Variants in HEATR1 observed in about 807,000 individuals in gnomAD.
The protein encoded by HEATR1 is HEAT repeat-containing protein 1.
A neutral mutation model predicts 248.2 loss-of-function variants in HEATR1; 77 were observed. The ratio of observed to expected loss-of-function variants is 0.31; its 90% confidence interval spans 0.26 to 0.37. The LOEUF is 0.37. HEATR1 is among the 10% of genes least tolerant of loss of function. HEATR1 has a pLI of 1.00. For synonymous variants in HEATR1, 897 were observed against 923.1 expected (o/e 0.97, Z 0.51); for missense variants, 2,420 against 2,504.9 (o/e 0.97, Z 0.72).
Position 236,569,055 on chromosome 1 carries a change from T to C in HEATR1, c.4018A>G (p.Thr1340Ala), listed in dbSNP as rs1361245989. The C allele has an allele frequency of 1.2e-6, 2 of 1,610,584 alleles. No individual in the cohort carries two copies. The highest frequency in any genetic ancestry group is 1.7e-5 in the Admixed American group (1 of 59,484). ...MGANVMRLDD[T>A]YSFQVINKTV... The stretch of plus-strand genomic sequence containing the variant: ...TTGTTAATAACTTGAAAACTGTAAG[T>C]ATCATCTAGGCGCATGACATTGGCT... The change falls in exon 29 of 45, where the codon ACT (threonine) becomes GCT (alanine). Residue 1340 changes from threonine to alanine, a missense_variant. Thr to Ala is a moderately conservative substitution (Grantham distance 58, BLOSUM62 0). Transcript: ENST00000366582.
At chr1:236,591,340 G>A (rs1454165345) in intron 11 of HEATR1, among the ~76,000 whole-genome samples, 1 of 152,036 alleles carries the variant, frequency 6.6e-6, no homozygotes, top group East Asian at 1.9e-4. Context: ...ACTCAAATTC[G>A]TGACAACTTA....
In HEATR1 at chr1:236,558,153, A is replaced by G. The variant is rs532646847; in HGVS notation, c.5204+84T>C. 9.7e-3 allele frequency: 3,221 copies of G among 330,752 alleles called. 2 individuals are homozygous for G. Among genetic ancestry groups the G allele is most frequent in the Non-Finnish European group, 0.013 (2,804 of 221,808 alleles). 20.5% of individuals were successfully genotyped at this position (330,752 alleles called of 1,614,324 possible). ...ATTTTATGCAACGTCTACTCAGAGG[A>G]AAAAAAAAAAAAGTCACCAAAGTGT... On this transcript the variant is annotated intron_variant, in intron 36 of 44. Transcript: ENST00000366582.
chr1:236,551,087 A>C lies in HEATR1; in HGVS notation c.6347-97T>G. The stretch of plus-strand genomic sequence containing the variant: ...TTCTTAATGCCTTGCACTTTCCGGC[A>C]ATCATTCAATCAAAAGAGTGAAATG... On this transcript the variant is annotated intron_variant, in intron 44 of 44. Coordinates refer to ENST00000366582, the MANE Select transcript of HEATR1 (RefSeq NM_018072.6). The C allele has an allele frequency of 3.4e-6, 3 of 886,616 alleles. No homozygotes were observed. The South Asian group carries it at 5.4e-5, about 16-fold the overall frequency. The allele number at this position is 886,616 out of a possible 1,614,324, so 54.9% of individuals were successfully genotyped here. A position where few individuals can be genotyped will look rare whatever the true frequency, so the allele number is the denominator to read the frequency against.
At chr1:236,571,788 T>C (rs942566267) in intron 26 of HEATR1, 102 bp from the exon 27 acceptor site, 1 of 774,500 alleles carries the variant, frequency 1.3e-6, no homozygotes, top group Non-Finnish European at 2.2e-6. Flanking sequence ...AAGGAACTCA[T>C]TCAATAAGGA....
intron 3 of HEATR1, 175 bp downstream of exon 3, chr1:236,602,985 T>C (rs1010978700): frequency 1.0e-5 from 6 of 591,426 alleles, no homozygotes; most frequent in Non-Finnish European, 1.8e-5. Flanking sequence ...CTTTTCACTA[T>C]CAACAAAAAA....
At position 236,590,301 on chromosome 1, in the gene HEATR1, C is replaced by T. The variant is rs569532840; in HGVS notation, c.1530+546G>A. Among the ~76,000 whole-genome samples, 10 of 152,090 alleles carry T rather than the reference C, an allele frequency of 6.6e-5. 1 individual carries two copies. In the East Asian group the frequency reaches 1.2e-3, roughly 18 times the overall value. On this transcript the variant is annotated intron_variant, in intron 12 of 44. Transcript: ENST00000366582. ...GGAGAGCAGTGGCGTGATCATGGCTCGCTGCAGCCTCAACCTCTCACACCC... is the reference window on the plus strand; with the variant it reads ...GGAGAGCAGTGGCGTGATCATGGCTTGCTGCAGCCTCAACCTCTCACACCC...
Position 236,583,003 on chromosome 1 carries a change from T to C in HEATR1, c.2425+10A>G. ...TATCACATTTAAAAGATTCACAGCT[T>C]GTATCTTACCTTTAGGAAAAGATTT... On this transcript the variant is annotated intron_variant, in intron 18 of 44. Coordinates refer to ENST00000366582, the MANE Select transcript of HEATR1 (RefSeq NM_018072.6). 1 of 1,612,962 alleles carries C rather than the reference T, an allele frequency of 6.2e-7. No homozygotes were observed. The highest frequency in any genetic ancestry group is 8.5e-7 in the Non-Finnish European group (1 of 1,179,276).
chr1:236,602,874 A>T, intron 3 of HEATR1: 1 of 266,954 alleles, frequency 3.7e-6, no homozygotes, highest in Non-Finnish European at 7.2e-6. Flanking sequence ...CAGTGAGCCA[A>T]GATTTCAATA....
chr1:236,585,871 C>T lies in HEATR1; in HGVS notation c.1998G>A (p.Glu666=), dbSNP rs762240434. Residue 666 remains glutamate (E), a synonymous_variant, in exon 16 of 45, where the codon GAG becomes GAA. Transcript: ENST00000366582. ...CTAAATTTATATTATCAGCCAACAA[C>T]TCAATCATCTTCTGATTTGCTACAC... ...LIGVANQKMI[E]LLADNINLGD... is the part of the protein sequence containing the mutation. The T allele has an allele frequency of 1.2e-6, 2 of 1,612,562 alleles. No individual in the cohort carries two copies. The highest frequency in any genetic ancestry group is 1.1e-5 in the South Asian group (1 of 91,016).
At chr1:236,552,164 T>A in intron 43 of HEATR1, 57 bp from the exon 44 acceptor site, 1 of 1,163,314 alleles carries the variant, frequency 8.6e-7, no homozygotes, top group Non-Finnish European at 1.3e-6. Flanking sequence ...TTTATTATCT[T>A]AAGAGCTGTA....
At chr1:236,569,619 T>TA (rs1663368323) in intron 28 of HEATR1, among the ~76,000 whole-genome samples, 2 of 152,050 alleles carry the variant, frequency 1.3e-5, no homozygotes, top group Admixed American at 1.3e-4. Context: ...AGAATGGCGA[T>TA]AAAAAAGACA....
At chr1:236,600,394 G>C (rs1664289783) in intron 3 of HEATR1, among the ~76,000 whole-genome samples, 2 of 151,698 alleles carry the variant, frequency 1.3e-5, no homozygotes, top group Admixed American at 6.6e-5. Context: ...GCCTCCCAAA[G>C]TGCTAGGACT....
chr1:236,590,563 A>G (rs1231946534), intron 12 of HEATR1, among the ~76,000 whole-genome samples: 1 of 152,212 alleles, frequency 6.6e-6, no homozygotes, highest in East Asian at 1.9e-4. Context: ...ATTCTCAGAT[A>G]ATTAATGAAC....
rs774685885 is a variant in HEATR1, at chr1:236,585,170, T to C, written c.2096A>G (p.Lys699Arg). 26 of 1,614,038 alleles carry C rather than the reference T, an allele frequency of 1.6e-5. No individual in the cohort carries two copies. The highest frequency in any genetic ancestry group is 1.7e-4 in the Middle Eastern group (1 of 6,058). ...GATCACATGAAACGTTACTTTCTGCTTCAGGTTAAAGGACTCCTCCTCACC... is the reference window on the plus strand; with the variant it reads ...GATCACATGAAACGTTACTTTCTGCCTCAGGTTAAAGGACTCCTCCTCACC... ...SVGEEESFNL[K>R]QKVTFHVILS... is the part of the protein sequence containing the mutation. The change falls in exon 17 of 45, where the codon AAG becomes AGG. Residue 699 changes from lysine (K) to arginine (R), a missense_variant. By Grantham distance (26) the Lys-to-Arg change is conservative (BLOSUM62 2). Coordinates refer to ENST00000366582, the MANE Select transcript of HEATR1 (RefSeq NM_018072.6).
chr1:236,570,182 G>A (rs926705484), intron 28 of HEATR1, among the ~76,000 whole-genome samples: 3 of 152,098 alleles, frequency 2.0e-5, no homozygotes, highest in East Asian at 1.9e-4. Flanking sequence ...CTAGCTACTC[G>A]GGAGGCGGAG....
rs374469202 is a variant in HEATR1, at chr1:236,588,028, A to G, written c.1546T>C (p.Ser516Pro). ...GCTAAAACAGCTTCTTTTATGAAAG[A>G]TTCATCAACACCCTCCTGAGCAATA... is the stretch of plus-strand genomic sequence containing the variant. ...MKTSKEGVDE[S>P]FIKEAVLARL... Residue 516 changes from serine to proline, a missense_variant, in exon 13 of 45, where the codon TCT (serine) becomes CCT (proline). Transcript: ENST00000366582. 6.2e-7 allele frequency: 1 copy of G among 1,611,842 alleles called. No homozygotes were observed.
intron 19 of HEATR1, among the ~76,000 whole-genome samples, chr1:236,582,167 C>T (rs149442532): frequency 0.03 from 4,526 of 149,788 alleles, 132 homozygotes; most frequent in Admixed American, 0.096. Context: ...TGCAGTGGAG[C>T]GATCTCCGCT....
At chr1:236,554,225 C>T (rs1471635098) in intron 42 of HEATR1, among the ~76,000 whole-genome samples, 1 of 152,124 alleles carries the variant, frequency 6.6e-6, no homozygotes, top group Non-Finnish European at 1.5e-5. Context: ...AACCTCATCC[C>T]TACTAAAAAT....
At chr1:236,566,916 A>T in intron 29 of HEATR1, 40 bp from the exon 30 acceptor site, 1 of 1,349,006 alleles carries the variant, frequency 7.4e-7, no homozygotes, top group South Asian at 1.2e-5. Flanking sequence ...AGGTGCAAGT[A>T]ATCTTCCACA....
Sources: allele counts gnomAD v4.1 joint callset (sites outside exome capture counted in the v4.1 genomes callset), GRCh38; gene constraint gnomAD v4.1.1; transcripts MANE v1.5; gene names NCBI Gene and HGNC (gene_info 2026-07-23, HGNC 2026-07-21).